The following CLDN16 variants were observed in gnomAD, a reference collection of about 807,000 sequenced individuals.
The protein encoded by CLDN16 is claudin 16.
A neutral mutation model predicts 24.6 loss-of-function variants in CLDN16; 13 were observed. The observed-to-expected ratio is 0.53, with a 90% CI of 0.34 to 0.84. The LOEUF (loss-of-function observed/expected upper bound fraction) is 0.84. Ranked by LOEUF, CLDN16 falls within the 40% of genes least tolerant of loss-of-function variation. The probability of loss-of-function intolerance (pLI) is 0.01; values close to 1 mark genes in which losing one functional copy is unlikely to be tolerated. For missense variants in CLDN16, 298 were observed against 292.7 expected (o/e 1.02, Z -0.13); for synonymous variants, 116 against 106.7 (o/e 1.09, Z -0.54).
chr3:190,340,910 C>G (rs1257744947), intron 1 of CLDN16, among the ~76,000 whole-genome samples: 2 of 152,190 alleles, frequency 1.3e-5, no homozygotes. Flanking sequence ...AGTCGGAAAT[C>G]CAGCAGGGCA....
chr3:190,378,888 C>T (rs1718298362), intron 3 of CLDN16, among the ~76,000 whole-genome samples: 1 of 151,716 alleles, frequency 6.6e-6, no homozygotes, highest in African/African-American at 2.4e-5. Flanking sequence ...TCATTTTCGT[C>T]ATCTATAAAA....
intron 2 of CLDN16, among the ~76,000 whole-genome samples, chr3:190,402,794 G>T (rs1718997614): frequency 6.6e-6 from 1 of 152,110 alleles, no homozygotes. Context: ...AACTGGACGG[G>T]TTAGGGGGAA....
At chr3:190,394,598 A>G (rs1020000842) in intron 1 of CLDN16, among the ~76,000 whole-genome samples, 1 of 151,490 alleles carries the variant, frequency 6.6e-6, no homozygotes, top group Non-Finnish European at 1.5e-5. Flanking sequence ...ATGTTCTCTT[A>G]TTTATCTCAT....
chr3:190,328,761 A>G (rs1010664591), intron 1 of CLDN16, among the ~76,000 whole-genome samples: 1 of 152,278 alleles, frequency 6.6e-6, no homozygotes, highest in East Asian at 1.9e-4. Context: ...CTGAATATGC[A>G]TTTTGTTTGA....
the CLDN16 span, among the ~76,000 whole-genome samples, chr3:190,304,733 C>T: frequency 6.6e-6 from 1 of 152,208 alleles, no homozygotes; most frequent in Middle Eastern, 3.4e-3. Context: ...AGACATTACA[C>T]GTGAGCCACA....
chr3:190,320,178 G>C (rs1194337604), upstream of CLDN16, among the ~76,000 whole-genome samples: 1 of 152,188 alleles, frequency 6.6e-6, no homozygotes, highest in Non-Finnish European at 1.5e-5. Flanking sequence ...CATGTGTAAG[G>C]ATGATCCATT....
chr3:190,362,628 T>A (rs937709790), intron 1 of CLDN16, among the ~76,000 whole-genome samples: 1 of 152,048 alleles, frequency 6.6e-6, no homozygotes, highest in African/African-American at 2.4e-5. Flanking sequence ...GCCGGCAACG[T>A]GAACCAGTTG....
chr3:190,317,953 T>C (rs1406333926), upstream of CLDN16, among the ~76,000 whole-genome samples: 8 of 152,228 alleles, frequency 5.3e-5, no homozygotes, highest in Non-Finnish European at 1.5e-5. Flanking sequence ...GAACTGATGA[T>C]TGGGTGACTA....
the CLDN16 span, among the ~76,000 whole-genome samples, chr3:190,291,841 C>CA: frequency 6.6e-6 from 1 of 152,122 alleles, no homozygotes; most frequent in African/African-American, 2.4e-5. Flanking sequence ...CATGCAAGTC[C>CA]AAAATCCAAT....
chr3:190,409,021 G>A (rs947652648), intron 4 of CLDN16, among the ~76,000 whole-genome samples: 1 of 150,662 alleles, frequency 6.6e-6, no homozygotes, highest in African/African-American at 2.4e-5. Context: ...TTGAATATTG[G>A]ACATAGTTGT....
intron 1 of CLDN16, among the ~76,000 whole-genome samples, chr3:190,325,805 A>G (rs1717048294): frequency 6.6e-6 from 1 of 152,240 alleles, no homozygotes; most frequent in Non-Finnish European, 1.5e-5. Context: ...GAGCTTCTTA[A>G]GTGGTAAAAG....
chr3:190,384,468 G>T (rs1279743949), upstream of CLDN16, among the ~76,000 whole-genome samples: 4 of 152,150 alleles, frequency 2.6e-5, no homozygotes, highest in Non-Finnish European at 5.9e-5. Context: ...CAACAGCCAC[G>T]GTGCTAGATT....
intron 1 of CLDN16, among the ~76,000 whole-genome samples, chr3:190,329,855 A>G (rs1231233882): frequency 6.6e-6 from 1 of 152,144 alleles, no homozygotes; most frequent in Non-Finnish European, 1.5e-5. Flanking sequence ...TATTCCAGTT[A>G]GAAGGATGTT....
the CLDN16 span, chr3:190,312,958 C>A: frequency 6.2e-7 from 1 of 1,614,194 alleles, no homozygotes; most frequent in East Asian, 2.2e-5. Flanking sequence ...ACACTTCATG[C>A]CAACGGTGGC....
At chr3:190,388,018 G>C (rs1187565062), upstream of CLDN16, 1 of 1,129,478 alleles carries the variant, frequency 8.9e-7, no homozygotes, top group African/African-American at 1.5e-5. Flanking sequence ...CTAGCCCACA[G>C]TTGGGTCAGA....
rs1719289864 is a variant in CLDN16 at position 190,411,684 on chromosome 3, G to C, written c.*1648G>C. On this transcript the variant is annotated 3_prime_UTR_variant, in exon 5 of 5. Transcript: ENST00000264734. ...CTACATGAATTAACGTTTCGAGATT[G>C]CTGTTTATTACTTCCCAGAGTATCT... The C allele has an allele frequency of 6.6e-6, 1 of 152,160 alleles. No individual in the cohort carries two copies. Among genetic ancestry groups the C allele is most frequent in the South Asian group, 2.1e-4 (1 of 4,828 alleles). The allele number at this position is 152,160 out of a possible 1,614,324, so 9.4% of individuals were successfully genotyped here.
the CLDN16 span, among the ~76,000 whole-genome samples, chr3:190,295,558 C>T: frequency 2.0e-5 from 3 of 152,114 alleles, no homozygotes; most frequent in Non-Finnish European, 2.9e-5. Context: ...GAATACTAGG[C>T]TGTTTTGTAA....
rs146807213 is a variant in CLDN16, at chr3:190,400,664, T to C, written c.115-1673T>C. On this transcript the variant is annotated intron_variant, in intron 1 of 4. Coordinates refer to ENST00000264734, the MANE Select transcript of CLDN16 (RefSeq NM_006580.4). ...AAATAAAAGAATTTCATTTTTTAAA[T>C]TGTTAAATAGTATTCCATTGTGTAG... 1.3e-3 allele frequency among the ~76,000 whole-genome samples: 196 copies of C among 152,376 alleles called. 1 individual carries two copies. The highest frequency in any genetic ancestry group is 4.4e-3 in the African/African-American group (183 of 41,588).
upstream of CLDN16, among the ~76,000 whole-genome samples, chr3:190,319,303 T>C (rs2108614258): frequency 6.6e-6 from 1 of 152,166 alleles, no homozygotes; most frequent in East Asian, 1.9e-4. Context: ...GCTACAAGAA[T>C]CCCCAGGGTC....
Sources: gnomAD v4.1 joint callset for allele counts (sites outside exome capture counted in the v4.1 genomes callset) on GRCh38, gnomAD v4.1.1 for gene constraint, MANE v1.5 for transcripts, NCBI Gene and HGNC (gene_info 2026-07-23, HGNC 2026-07-21) for gene names.